Variants in LRP1B observed in about 807,000 individuals in gnomAD.
The protein encoded by LRP1B is LDL receptor related protein 1B.
In LRP1B, 217 loss-of-function variants were observed where a neutral mutation model predicts 556.6. The observed-to-expected ratio is 0.39, with a 90% CI of 0.35 to 0.44. LRP1B has a LOEUF of 0.44. Ranked by LOEUF, LRP1B falls within the 20% of genes least tolerant of loss-of-function variation. The probability of loss-of-function intolerance (pLI) is 1.00; values close to 1 mark genes in which losing one functional copy is unlikely to be tolerated. For synonymous variants in LRP1B, 2,047 were observed against 1,865.8 expected (o/e 1.10, Z -2.50); for missense variants, 5,053 against 5,620.8 (o/e 0.90, Z 3.23).
chr2:142,017,926 A>C (rs1056120078), intron 1 of LRP1B, among the ~76,000 whole-genome samples: 1 of 145,932 alleles, frequency 6.9e-6, no homozygotes. Context: ...TAATGTTTCT[A>C]TTTGTGCTCA....
At chr2:142,115,189 A>G (rs1433840153) in intron 1 of LRP1B, among the ~76,000 whole-genome samples, 3 of 151,804 alleles carry the variant, frequency 2.0e-5, no homozygotes, top group Non-Finnish European at 4.4e-5. Flanking sequence ...AGTCTGTAAA[A>G]TTTCAACATC....
intron 3 of LRP1B, among the ~76,000 whole-genome samples, chr2:141,349,665 C>A (rs972680070): frequency 2.0e-5 from 3 of 152,076 alleles, no homozygotes; most frequent in African/African-American, 7.3e-5. Flanking sequence ...CATTCTATAT[C>A]TGTTTCTGAA....
At chr2:141,219,258 T>G (rs1418401014) in intron 6 of LRP1B, among the ~76,000 whole-genome samples, 3 of 152,190 alleles carry the variant, frequency 2.0e-5, no homozygotes, top group African/African-American at 7.2e-5. Flanking sequence ...CATTTTCCAC[T>G]GCTGGTGTTG....
chr2:140,607,199 T>A (rs958354630), intron 41 of LRP1B, among the ~76,000 whole-genome samples: 6 of 152,108 alleles, frequency 3.9e-5, no homozygotes, highest in South Asian at 2.1e-4. Context: ...TGCTCAACAC[T>A]ATTAGACATC....
At chr2:141,239,628 T>C (rs1683788025) in intron 5 of LRP1B, among the ~76,000 whole-genome samples, 1 of 152,082 alleles carries the variant, frequency 6.6e-6, no homozygotes, top group Non-Finnish European at 1.5e-5. Flanking sequence ...GGAGAAAAGT[T>C]AGTTTTCTAA....
Position 140,500,984 on chromosome 2 carries a change from T to G in LRP1B, c.8850+703A>C, listed in dbSNP as rs907467402. Among the ~76,000 whole-genome samples, 5 of 151,944 alleles carry G rather than the reference T, an allele frequency of 3.3e-5. No homozygotes were observed. In the South Asian group the frequency reaches 6.2e-4, roughly 19 times the overall value. ...TTCAAAGGAATTGCTCTTATTGAGGTTTTTCCACATTTACAAAATTGATTT... is the reference window on the plus strand; with the variant it reads ...TTCAAAGGAATTGCTCTTATTGAGGGTTTTCCACATTTACAAAATTGATTT... On this transcript the variant is annotated intron_variant, in intron 55 of 90. Coordinates refer to ENST00000389484, the MANE Select transcript of LRP1B (RefSeq NM_018557.3).
At chr2:140,681,179 T>G (rs181181172) in intron 41 of LRP1B, among the ~76,000 whole-genome samples, 270 of 152,326 alleles carry the variant, frequency 1.8e-3, no homozygotes, top group Middle Eastern at 3.4e-3. Flanking sequence ...ATATATAAAT[T>G]GCATTATTTC....
chr2:141,621,500 G>T (rs546066303), intron 2 of LRP1B, among the ~76,000 whole-genome samples: 1 of 152,256 alleles, frequency 6.6e-6, no homozygotes, highest in Admixed American at 6.5e-5. Flanking sequence ...TTCTAGATGT[G>T]AATGAAATTA....
intron 43 of LRP1B, among the ~76,000 whole-genome samples, chr2:140,574,987 G>A (rs954338058): frequency 7.2e-5 from 11 of 152,130 alleles, no homozygotes; most frequent in African/African-American, 2.7e-4. Flanking sequence ...AATACTTACA[G>A]TAAATTATTA....
At position 141,055,035 on chromosome 2, in the gene LRP1B, G is replaced by C. The variant is rs1428480275; in HGVS notation, c.1552+81C>G. 2.7e-6 allele frequency: 4 copies of C among 1,487,230 alleles called. No individual in the cohort carries two copies. In the East Asian group the frequency reaches 9.2e-5, roughly 34 times the overall value. The allele number at this position is 1,487,230 out of a possible 1,614,324, so 92.1% of individuals were successfully genotyped here. A position where few individuals can be genotyped will look rare whatever the true frequency, so the allele number is the denominator to read the frequency against. The stretch of plus-strand genomic sequence containing the variant: ...CCTGTTGAAGTCTCATGTTATGACT[G>C]ATGTTGATGCTGCTAATTAATACTT... On this transcript the variant is annotated intron_variant, in intron 10 of 90. Transcript: ENST00000389484.
chr2:140,920,232 C>T (rs1694698354), intron 21 of LRP1B, among the ~76,000 whole-genome samples: 1 of 151,984 alleles, frequency 6.6e-6, no homozygotes, highest in Non-Finnish European at 1.5e-5. Context: ...GCACAATGCA[C>T]TTCTTGGTCA....
At chr2:141,120,275 T>C (rs956918276) in intron 7 of LRP1B, among the ~76,000 whole-genome samples, 1 of 152,024 alleles carries the variant, frequency 6.6e-6, no homozygotes, top group Non-Finnish European at 1.5e-5. Flanking sequence ...GTTTATTTTT[T>C]GTTGTTGAGA....
chr2:141,441,208 C>G (rs939705622), intron 3 of LRP1B, among the ~76,000 whole-genome samples: 6 of 152,140 alleles, frequency 3.9e-5, no homozygotes, highest in African/African-American at 1.2e-4. Context: ...TCCCAAGTAG[C>G]TGGGATTACA....
At chr2:140,423,040 T>C (rs1685513323) in intron 66 of LRP1B, among the ~76,000 whole-genome samples, 1 of 152,174 alleles carries the variant, frequency 6.6e-6, no homozygotes, top group Non-Finnish European at 1.5e-5. Context: ...TGAATAATTT[T>C]GCAATGTCAA....
intron 2 of LRP1B, among the ~76,000 whole-genome samples, chr2:141,771,718 A>G (rs142399604): frequency 5.9e-5 from 9 of 152,332 alleles, no homozygotes; most frequent in African/African-American, 2.2e-4. Context: ...TATAGAAGAT[A>G]AGTATGTGAT....
chr2:141,833,427 G>A (rs1574410305), intron 1 of LRP1B, among the ~76,000 whole-genome samples: 1 of 151,712 alleles, frequency 6.6e-6, no homozygotes, highest in East Asian at 1.9e-4. Context: ...AATGTACTTG[G>A]GGCTCATGAG....
chr2:142,129,049 T>A (rs886903952), intron 1 of LRP1B, among the ~76,000 whole-genome samples: 2 of 152,210 alleles, frequency 1.3e-5, no homozygotes, highest in African/African-American at 4.8e-5. Context: ...CCAATAGCAG[T>A]AGTCTGCCAG....
At chr2:140,624,374 A>C (rs951384764) in intron 41 of LRP1B, among the ~76,000 whole-genome samples, 3 of 152,026 alleles carry the variant, frequency 2.0e-5, no homozygotes, top group African/African-American at 7.2e-5. Context: ...CTGTAGCACC[A>C]CTCACCAGTT....
intron 83 of LRP1B, among the ~76,000 whole-genome samples, chr2:140,299,335 A>G (rs544777539): frequency 1.3e-5 from 2 of 152,132 alleles, no homozygotes; most frequent in Non-Finnish European, 2.9e-5. Context: ...AGGACTCTAC[A>G]TGCTCAAAAA....
Sources: allele counts gnomAD v4.1 joint callset (sites outside exome capture counted in the v4.1 genomes callset), GRCh38; gene constraint gnomAD v4.1.1; transcripts MANE v1.5; gene names NCBI Gene and HGNC (gene_info 2026-07-23, HGNC 2026-07-21).